TENM1: variants seen among roughly 807,000 people sequenced by gnomAD.
TENM1 encodes teneurin-1.
TENM1 carries 35 observed loss-of-function variants against 174.8 expected under a neutral mutation model. The ratio of observed to expected loss-of-function variants is 0.20; its 90% CI spans 0.15 to 0.27. The LOEUF is 0.27. Ranked by LOEUF, TENM1 falls within the 10% of genes least tolerant of loss-of-function variation. The pLI is 1.00. For synonymous variants in TENM1, 781 were observed against 798.7 expected (o/e 0.98, Z 0.37); for missense variants, 1,633 against 2,130.1 (o/e 0.77, Z 4.59).
chrX:124,597,775 T>A (rs967013383), intron 11 of TENM1, among the ~76,000 whole-genome samples: 19 of 111,288 alleles, frequency 1.7e-4, no homozygotes, highest in African/African-American at 5.2e-4. Context: ...ACTATGAAAC[T>A]ACTACAAGAC....
chrX:125,127,324 A>T, the TENM1 span, among the ~76,000 whole-genome samples: 1 of 111,673 alleles, frequency 9.0e-6, no homozygotes, highest in Non-Finnish European at 1.9e-5. Context: ...GCAGGAAAAC[A>T]GTTTTGCTAG....
chrX:124,893,631 G>A (rs2057511583), intron 3 of TENM1, among the ~76,000 whole-genome samples: 1 of 111,393 alleles, frequency 9.0e-6, no homozygotes, highest in Admixed American at 9.5e-5. Flanking sequence ...CACAGGCCCA[G>A]TTGTGAAAAC....
intron 3 of TENM1, among the ~76,000 whole-genome samples, chrX:124,873,562 T>G (rs1443898667): frequency 8.9e-6 from 1 of 111,765 alleles, no homozygotes; most frequent in Non-Finnish European, 1.9e-5. Context: ...ATGAAATTTT[T>G]GTTTTTGTTC....
chrX:124,383,579 A>G (rs1057280472), intron 30 of TENM1, 55 bp downstream of exon 33: 15 of 1,025,922 alleles, frequency 1.5e-5, no homozygotes, highest in South Asian at 2.2e-5. Context: ...CTGTGATAAA[A>G]TCAACAGTAC....
intron 30 of TENM1, 81 bp downstream of exon 33, chrX:124,383,553 C>T: frequency 1.1e-6 from 1 of 890,361 alleles, no homozygotes. Context: ...AGCATATTTA[C>T]AAAGGCATTG....
rs961677952 is a variant in TENM1 at position 124,625,769 on chromosome X, T to A, written c.2077+16022A>T. 3.6e-5 allele frequency among the ~76,000 whole-genome samples: 4 copies of A among 110,508 alleles called. No homozygotes were observed. In the South Asian group the frequency reaches 1.2e-3, roughly 32 times the overall value. ...TTAAACAAGCAGATCTCATGAGAAC[T>A]CACTATCACAAGAGCAGCATCAAGG... On this transcript the variant is annotated intron_variant, in intron 11 of 31. Coordinates refer to ENST00000422452, the Ensembl canonical transcript of TENM1.
At chrX:124,418,992 G>T (rs929264224) in intron 25 of TENM1, among the ~76,000 whole-genome samples, 2 of 111,638 alleles carry the variant, frequency 1.8e-5, no homozygotes, top group Non-Finnish European at 3.8e-5. Context: ...ATACTTAGGG[G>T]CACCTATCCC....
At chrX:124,377,933 T>C (rs2235381) in exon 32 of TENM1, 20,696 of 111,596 alleles carry the variant, frequency 0.19, 1,626 homozygotes, top group East Asian at 0.32. Context: ...AATATCTCCA[T>C]CTTCTTCTTA....
intron 3 of TENM1, among the ~76,000 whole-genome samples, chrX:124,864,468 G>A (rs955157986): frequency 8.9e-6 from 1 of 112,204 alleles, no homozygotes; most frequent in African/African-American, 3.2e-5. Context: ...ACTGAAGAAT[G>A]TATCAGAATC....
intron 3 of TENM1, among the ~76,000 whole-genome samples, chrX:124,843,296 T>C (rs1348737086): frequency 8.9e-6 from 1 of 111,841 alleles, no homozygotes; most frequent in Non-Finnish European, 1.9e-5. Flanking sequence ...TTCCACTTTT[T>C]CAAACCCATG....
intron 22 of TENM1, among the ~76,000 whole-genome samples, chrX:124,477,087 C>A (rs7885450): frequency 1.8e-5 from 2 of 111,756 alleles, no homozygotes; most frequent in Non-Finnish European, 3.8e-5. Context: ...TATTTGGGGA[C>A]GCTTCCATTT....
At chrX:125,010,775 C>G in the TENM1 span, among the ~76,000 whole-genome samples, 1 of 104,232 alleles carries the variant, frequency 9.6e-6, no homozygotes, top group East Asian at 3.0e-4. Context: ...GATCGCGCCA[C>G]TGCACTCCAG....
At chrX:124,600,038 G>A (rs2049992440) in intron 11 of TENM1, among the ~76,000 whole-genome samples, 1 of 109,961 alleles carries the variant, frequency 9.1e-6, no homozygotes, top group South Asian at 3.9e-4. Context: ...GTGTGTGTGT[G>A]TGTATATATA....
the TENM1 span, among the ~76,000 whole-genome samples, chrX:125,168,378 G>A: frequency 9.0e-6 from 1 of 111,480 alleles, no homozygotes; most frequent in Admixed American, 9.6e-5. Context: ...TCCATACCAA[G>A]GTACTTGTAT....
At chrX:125,162,231 A>T in the TENM1 span, among the ~76,000 whole-genome samples, 1 of 111,913 alleles carries the variant, frequency 8.9e-6, no homozygotes, top group Non-Finnish European at 1.9e-5. Context: ...TGGAATGGGG[A>T]TGCCACCTAA....
the TENM1 span, among the ~76,000 whole-genome samples, chrX:125,144,563 A>C: frequency 1.8e-5 from 2 of 111,244 alleles, no homozygotes; most frequent in Admixed American, 1.9e-4. Context: ...TAATCATCTT[A>C]ACTAATTTGG....
intron 3 of TENM1, among the ~76,000 whole-genome samples, chrX:124,792,337 G>A (rs773325232): frequency 1.0e-3 from 115 of 111,637 alleles, no homozygotes; most frequent in African/African-American, 3.4e-3. Context: ...TTTTTAGATT[G>A]TGCCTATCAG....
intron 11 of TENM1, among the ~76,000 whole-genome samples, chrX:124,585,387 C>G (rs1395944093): frequency 3.9e-4 from 43 of 111,235 alleles, no homozygotes; most frequent in African/African-American, 1.4e-3. Flanking sequence ...GAAACTCACT[C>G]AAAACCGCTC....
chrX:124,796,865 A>G (rs991690102), intron 3 of TENM1, among the ~76,000 whole-genome samples: 2 of 111,676 alleles, frequency 1.8e-5, no homozygotes, highest in African/African-American at 6.5e-5. Flanking sequence ...TGATAATTAT[A>G]TATAACTGAA....
Sources: gnomAD v4.1 joint callset for allele counts (sites outside exome capture counted in the v4.1 genomes callset) on GRCh38, gnomAD v4.1.1 for gene constraint, MANE v1.5 for transcripts, NCBI Gene and HGNC (gene_info 2026-07-23, HGNC 2026-07-21) for gene names.